Variants in TAFA5 observed in about 807,000 individuals in gnomAD.
The protein encoded by TAFA5 is TAFA chemokine like family member 5.
In TAFA5, 6 loss-of-function variants were observed where a neutral mutation model predicts 15.3. That is an observed-to-expected ratio of 0.39 (90% CI 0.21 to 0.77). TAFA5 has a LOEUF of 0.77. Among genes scored for constraint, TAFA5 ranks in the 30% least tolerant of loss-of-function variants. The probability of loss-of-function intolerance (pLI) is 0.41; values close to 1 mark genes in which losing one functional copy is unlikely to be tolerated. For missense variants in TAFA5, 161 were observed against 193.1 expected, an observed-to-expected ratio of 0.83 and a Z score of 0.98; for synonymous variants, 103 against 80.7, an observed-to-expected ratio of 1.28 and a Z score of -1.48.
At chr22:48,599,769 T>A (rs1924896110) in intron 1 of TAFA5, among the ~76,000 whole-genome samples, 1 of 152,212 alleles carries the variant, frequency 6.6e-6, no homozygotes, top group Non-Finnish European at 1.5e-5. Flanking sequence ...CTGCCGATGT[T>A]TGAGGCAGAT....
intron 3 of TAFA5, among the ~76,000 whole-genome samples, chr22:48,733,523 G>A (rs78087753): frequency 6.6e-6 from 1 of 152,374 alleles, no homozygotes; most frequent in Non-Finnish European, 1.5e-5. Flanking sequence ...TCACATCAGT[G>A]TGTGATATGA....
At chr22:48,525,429 A>C (rs751497643) in intron 1 of TAFA5, among the ~76,000 whole-genome samples, 2 of 152,236 alleles carry the variant, frequency 1.3e-5, no homozygotes, top group South Asian at 4.2e-4. Flanking sequence ...CTCCGATTCC[A>C]GTGCTCATTC....
chr22:48,649,511 C>A (rs1020569919), intron 2 of TAFA5, among the ~76,000 whole-genome samples: 1 of 152,168 alleles, frequency 6.6e-6, no homozygotes, highest in Non-Finnish European at 1.5e-5. Flanking sequence ...TTAAAAACAT[C>A]TATCAATTTG....
chr22:48,605,219 G>GATGGTGGTGA (rs1925124583), intron 1 of TAFA5, among the ~76,000 whole-genome samples: 14 of 132,964 alleles, frequency 1.1e-4, no homozygotes, highest in Non-Finnish European at 1.5e-4. Flanking sequence ...GGTGATGGTG[G>GATGGTGGTGA]TGATGGTGAT....
chr22:48,605,017 G>T (rs944742427), intron 1 of TAFA5, among the ~76,000 whole-genome samples: 2 of 151,474 alleles, frequency 1.3e-5, no homozygotes, highest in Non-Finnish European at 1.5e-5. Context: ...GGTGTTGATG[G>T]TAATGATGGT....
intron 1 of TAFA5, among the ~76,000 whole-genome samples, chr22:48,535,780 C>T (rs112910583): frequency 4.3e-5 from 6 of 140,576 alleles, no homozygotes; most frequent in South Asian, 2.3e-4. Context: ...AGCACTCATG[C>T]GTGTGTGCAC....
At chr22:48,543,267 TG>T (rs972795599) in intron 1 of TAFA5, 3 of 152,136 alleles carry the variant, frequency 2.0e-5, no homozygotes, top group Admixed American at 6.5e-5. Context: ...GGGGAAGAGA[TG>T]GGGCCCAAGT....
chr22:48,507,202 G>A (rs1314723990), intron 1 of TAFA5, among the ~76,000 whole-genome samples: 4 of 113,602 alleles, frequency 3.5e-5, no homozygotes, highest in Admixed American at 2.4e-4. Flanking sequence ...CGGCCGCCAA[G>A]GGCCAGGTGT....
intron 2 of TAFA5, among the ~76,000 whole-genome samples, chr22:48,655,400 G>A (rs1927199672): frequency 6.6e-6 from 1 of 152,214 alleles, no homozygotes; most frequent in South Asian, 2.1e-4. Flanking sequence ...ATTTTACACT[G>A]TTCTGGGGGC....
intron 2 of TAFA5, among the ~76,000 whole-genome samples, chr22:48,651,650 G>A (rs1384524020): frequency 6.6e-6 from 1 of 152,180 alleles, no homozygotes; most frequent in Non-Finnish European, 1.5e-5. Context: ...GGCAGTAGAC[G>A]CGCAGCCTTA....
intron 1 of TAFA5, among the ~76,000 whole-genome samples, chr22:48,505,333 A>G (rs893619887): frequency 5.9e-5 from 9 of 152,006 alleles, no homozygotes; most frequent in African/African-American, 2.2e-4. Context: ...AGGCTCAGGG[A>G]TCCATCATCT....
At chr22:48,491,282 C>T (rs1447275210) in intron 1 of TAFA5, among the ~76,000 whole-genome samples, 1 of 152,164 alleles carries the variant, frequency 6.6e-6, no homozygotes, top group Non-Finnish European at 1.5e-5. Context: ...CCAAGCAAGG[C>T]TTCCTAGGAG....
At chr22:48,546,183 G>T (rs1320791342) in intron 1 of TAFA5, among the ~76,000 whole-genome samples, 1 of 152,238 alleles carries the variant, frequency 6.6e-6, no homozygotes, top group Non-Finnish European at 1.5e-5. Context: ...GCCTCCCCAT[G>T]GGGACTGCGC....
chr22:48,619,097 A>G (rs28627856), intron 1 of TAFA5, among the ~76,000 whole-genome samples: 137,791 of 152,280 alleles, frequency 0.9, 62,602 homozygotes, highest in East Asian at 1. Context: ...TTCAACCTCC[A>G]TGTCCTGATG....
intron 1 of TAFA5, among the ~76,000 whole-genome samples, chr22:48,574,979 G>A (rs552792715): frequency 1.3e-5 from 2 of 152,352 alleles, no homozygotes; most frequent in South Asian, 4.1e-4. Context: ...CAGGGCAGCT[G>A]GCTGGAGGGT....
intron 1 of TAFA5, among the ~76,000 whole-genome samples, chr22:48,594,158 G>A (rs778328796): frequency 1.3e-5 from 2 of 152,216 alleles, no homozygotes; most frequent in Admixed American, 6.5e-5. Flanking sequence ...ATGCACAGGG[G>A]CGGTGAGAGG....
chr22:48,596,033 T>A (rs1457085542), intron 1 of TAFA5, among the ~76,000 whole-genome samples: 1 of 152,258 alleles, frequency 6.6e-6, no homozygotes, highest in African/African-American at 2.4e-5. Context: ...GAAAGCATGT[T>A]CCAAAGCTTT....
chr22:48,586,668 T>C (rs1924373588), intron 1 of TAFA5, among the ~76,000 whole-genome samples: 1 of 152,168 alleles, frequency 6.6e-6, no homozygotes, highest in South Asian at 2.1e-4. Context: ...GTTCTCAGGA[T>C]TTTGCCTGGC....
intron 1 of TAFA5, among the ~76,000 whole-genome samples, chr22:48,638,226 G>A (rs1356123002): frequency 1.3e-5 from 2 of 151,776 alleles, no homozygotes; most frequent in Non-Finnish European, 2.9e-5. Flanking sequence ...CAGGGTACAC[G>A]TGTCTTAGAC....
Sources: gnomAD v4.1 joint callset for allele counts (sites outside exome capture counted in the v4.1 genomes callset) on GRCh38, gnomAD v4.1.1 for gene constraint, MANE v1.5 for transcripts, NCBI Gene and HGNC (gene_info 2026-07-23, HGNC 2026-07-21) for gene names.